The following TUSC3 variants were observed in gnomAD, a reference collection of about 807,000 sequenced individuals.
TUSC3 encodes tumor suppressor candidate 3.
In TUSC3, 45 loss-of-function variants were observed where a neutral mutation model predicts 44.8. That is an observed-to-expected ratio of 1.00 (90% CI 0.79 to 1.29). The LOEUF is 1.29. TUSC3 is among the 50% of genes most tolerant of loss of function. The pLI, the probability that TUSC3 is intolerant of heterozygous loss-of-function variation, is 0.00. For missense variants in TUSC3, 519 were observed against 437.9 expected (o/e 1.19, Z -1.65); for synonymous variants, 212 against 152.9 (o/e 1.39, Z -2.85).
chr8:15,814,177 A>G, the TUSC3 span, among the ~76,000 whole-genome samples: 1 of 152,146 alleles, frequency 6.6e-6, no homozygotes, highest in Non-Finnish European at 1.5e-5. Flanking sequence ...GAGATTAAGA[A>G]CTCAATTTAA....
At chr8:15,456,147 A>C (rs1800254294) in intron 1 of TUSC3, among the ~76,000 whole-genome samples, 1 of 152,120 alleles carries the variant, frequency 6.6e-6, no homozygotes, top group African/African-American at 2.4e-5. Context: ...TCCTTTCCTC[A>C]CACTAGCTTT....
chr8:15,844,562 G>A, the TUSC3 span, among the ~76,000 whole-genome samples: 1 of 152,212 alleles, frequency 6.6e-6, no homozygotes, highest in East Asian at 1.9e-4. Context: ...TCAGATTTAT[G>A]TTACTTTTTT....
chr8:15,676,675 T>C (rs1005981821), intron 6 of TUSC3, among the ~76,000 whole-genome samples: 6 of 152,102 alleles, frequency 3.9e-5, no homozygotes, highest in Admixed American at 3.3e-4. Flanking sequence ...TGGCAGTTAG[T>C]GGTAGAGGCC....
At chr8:15,529,422 ATACTT>A (rs1469573724) in intron 2 of TUSC3, among the ~76,000 whole-genome samples, 2 of 152,196 alleles carry the variant, frequency 1.3e-5, no homozygotes, top group East Asian at 3.8e-4. Context: ...TATTATTACA[ATACTT>A]TAATTACTGT....
chr8:15,696,723 T>C (rs7017922), intron 6 of TUSC3, among the ~76,000 whole-genome samples: 130,487 of 152,154 alleles, frequency 0.86, 56,343 homozygotes, highest in Non-Finnish European at 0.9. Flanking sequence ...TTAGCACCTA[T>C]GCTCATCAGG....
chr8:15,718,502 T>TA (rs1234029718), intron 6 of TUSC3, among the ~76,000 whole-genome samples: 2 of 152,294 alleles, frequency 1.3e-5, no homozygotes, highest in East Asian at 3.9e-4. Flanking sequence ...AACCAGTAGT[T>TA]ACATCATAAG....
the TUSC3 span, among the ~76,000 whole-genome samples, chr8:15,801,317 G>T: frequency 3.0e-3 from 464 of 152,202 alleles, 2 homozygotes; most frequent in African/African-American, 0.011. Context: ...GCATTTTTGG[G>T]AGATTAGTGG....
At chr8:15,461,668 G>A (rs1026349204) in intron 1 of TUSC3, among the ~76,000 whole-genome samples, 2 of 151,564 alleles carry the variant, frequency 1.3e-5, no homozygotes, top group African/African-American at 4.8e-5. Context: ...TTAGCTGTGA[G>A]TTTGTCATAG....
chr8:15,581,919 C>T (rs1167121793), intron 1 of TUSC3, among the ~76,000 whole-genome samples: 1 of 147,804 alleles, frequency 6.8e-6, no homozygotes, highest in Non-Finnish European at 1.5e-5. Context: ...TCGCTGCCGC[C>T]TTGCAGTTTG....
At chr8:15,713,570 C>T (rs565648940) in intron 6 of TUSC3, among the ~76,000 whole-genome samples, 1 of 152,098 alleles carries the variant, frequency 6.6e-6, no homozygotes, top group Non-Finnish European at 1.5e-5. Context: ...CTCAGGATTA[C>T]GAAGCCTACA....
intron 2 of TUSC3, among the ~76,000 whole-genome samples, chr8:15,525,437 T>C (rs928666177): frequency 5.9e-5 from 9 of 152,218 alleles, no homozygotes; most frequent in Admixed American, 4.6e-4. Context: ...ATGTTACTTA[T>C]GTTAAGCAAT....
At chr8:15,580,789 A>ACC in intron 1 of TUSC3, among the ~76,000 whole-genome samples, 1 of 137,752 alleles carries the variant, frequency 7.3e-6, no homozygotes. Flanking sequence ...TCTGACAATT[A>ACC]TGTGTCTTGG....
At position 15,764,266 on chromosome 8, in the gene TUSC3, T is replaced by C. The variant is rs968516609; in HGVS notation, c.*110T>C. The stretch of plus-strand genomic sequence containing the variant: ...GTGAATGTTTACCATGAAGATAAAC[T>C]GTTCCTGACTTTATACTATTTTGAA... On this transcript the variant is annotated 3_prime_UTR_variant, in exon 11 of 11. Transcript: ENST00000503731. 1 of 1,578,222 alleles carries C rather than the reference T, an allele frequency of 6.3e-7. No individual in the cohort carries two copies. The highest frequency in any genetic ancestry group is 1.7e-5 in the Admixed American group (1 of 59,376).
intron 4 of TUSC3, among the ~76,000 whole-genome samples, chr8:15,659,931 A>G (rs1431726279): frequency 6.6e-6 from 1 of 152,102 alleles, no homozygotes; most frequent in Non-Finnish European, 1.5e-5. Context: ...CAGTGGTAGT[A>G]ATCAAGGAAA....
At chr8:15,724,591 A>G (rs1056134276) in intron 6 of TUSC3, among the ~76,000 whole-genome samples, 7 of 152,168 alleles carry the variant, frequency 4.6e-5, no homozygotes, top group African/African-American at 1.7e-4. Context: ...TGCTTTGGCA[A>G]TAATTTTTGT....
chr8:15,426,300 A>T (rs1046259881), intron 1 of TUSC3, among the ~76,000 whole-genome samples: 1 of 152,184 alleles, frequency 6.6e-6, no homozygotes, highest in South Asian at 2.1e-4. Context: ...TTGAAGTCCA[A>T]AATACCATAT....
chr8:15,541,169 T>C (rs75132776), intron 1 of TUSC3, among the ~76,000 whole-genome samples: 1 of 152,252 alleles, frequency 6.6e-6, no homozygotes, highest in Admixed American at 6.5e-5. Context: ...TGTATACTTG[T>C]GAAAATAACC....
intron 2 of TUSC3, among the ~76,000 whole-genome samples, chr8:15,505,968 T>G (rs1183495228): frequency 6.6e-6 from 1 of 152,162 alleles, no homozygotes; most frequent in Non-Finnish European, 1.5e-5. Context: ...AAGCAATTTT[T>G]AAAAATCTAT....
chr8:15,691,418 T>C (rs1808895342), intron 6 of TUSC3, among the ~76,000 whole-genome samples: 1 of 152,194 alleles, frequency 6.6e-6, no homozygotes, highest in Admixed American at 6.5e-5. Context: ...ACAGAGACTA[T>C]GGGGTTTTCT....
Sources: allele counts gnomAD v4.1 joint callset (sites outside exome capture counted in the v4.1 genomes callset), GRCh38; gene constraint gnomAD v4.1.1; transcripts MANE v1.5; gene names NCBI Gene and HGNC (gene_info 2026-07-23, HGNC 2026-07-21).